MROH9: variants seen among roughly 807,000 people sequenced by gnomAD.
MROH9 encodes maestro heat-like repeat-containing protein family member 9.
MROH9 carries 92 observed loss-of-function variants against 98.2 expected under a neutral mutation model. The observed-to-expected ratio is 0.94, with a 90% confidence interval of 0.79 to 1.11. The LOEUF (loss-of-function observed/expected upper bound fraction) is 1.11. MROH9 is among the 50% of genes most tolerant of loss of function. The pLI is 0.00. For missense variants in MROH9, 1,057 were observed against 1,014.8 expected (o/e 1.04, Z -0.57); for synonymous variants, 397 against 368.9 (o/e 1.08, Z -0.87).
chr1:171,056,788 T>C (rs895113449), intron 20 of MROH9, among the ~76,000 whole-genome samples: 19 of 152,112 alleles, frequency 1.2e-4, no homozygotes, highest in Admixed American at 1.2e-3. Flanking sequence ...TCCAGCCTCC[T>C]TGAGTGACAT....
intron 21 of MROH9, among the ~76,000 whole-genome samples, 176 bp from the exon 22 acceptor site, chr1:171,063,923 T>A (rs781755640): frequency 7.9e-5 from 12 of 152,116 alleles, no homozygotes; most frequent in Non-Finnish European, 1.5e-4. Context: ...TTAGTAGGGA[T>A]AGATGATAAA....
chr1:171,064,485 G>T lies in MROH9; in HGVS notation c.*145G>T. The T allele has an allele frequency of 1.3e-6, 1 of 755,032 alleles. No individual in the cohort carries two copies. Among genetic ancestry groups the T allele is most frequent in the Non-Finnish European group, 2.0e-6 (1 of 497,698 alleles). The allele number at this position is 755,032 out of a possible 1,614,324, so 46.8% of individuals were successfully genotyped here. A position where few individuals can be genotyped will look rare whatever the true frequency, so the allele number is the denominator to read the frequency against. ...GATGCTTTTCTGAAAAATTCTGGAA[G>T]CTTTTACTGTTACTTCTTAATTCTC... On this transcript the variant is annotated 3_prime_UTR_variant, in exon 22 of 22. Coordinates refer to ENST00000367759, the MANE Select transcript of MROH9 (RefSeq NM_001163629.2).
intron 1 of MROH9, among the ~76,000 whole-genome samples, chr1:170,942,680 A>G (rs1649171389): frequency 6.6e-6 from 1 of 152,094 alleles, no homozygotes; most frequent in African/African-American, 2.4e-5. Flanking sequence ...GGACCCAGAG[A>G]TACCTCCCTG....
intron 15 of MROH9, among the ~76,000 whole-genome samples, chr1:171,011,317 A>G (rs1452456269): frequency 6.6e-6 from 1 of 152,232 alleles, no homozygotes; most frequent in Non-Finnish European, 1.5e-5. Flanking sequence ...TTCACATAGC[A>G]CCAAATTACC....
At chr1:171,029,610 A>G (rs1652839808) in intron 20 of MROH9, among the ~76,000 whole-genome samples, 2 of 152,190 alleles carry the variant, frequency 1.3e-5, no homozygotes, top group African/African-American at 4.8e-5. Flanking sequence ...TGATTTGCAT[A>G]TGTTGAATCA....
At position 171,024,620 on chromosome 1, in the gene MROH9, A is replaced by T. The variant is rs1252463764; in HGVS notation, c.2062-29A>T. The T allele has an allele frequency of 2.6e-6, 4 of 1,538,614 alleles. No homozygotes were observed. In the African/African-American group the frequency reaches 4.1e-5, roughly 16 times the overall value. ...GTTTTATCTAACAACAGATGAATAGATCTTCACCGGCCTTTTTCTGTCTCA... is the reference window on the plus strand; with the variant it reads ...GTTTTATCTAACAACAGATGAATAGTTCTTCACCGGCCTTTTTCTGTCTCA... On this transcript the variant is annotated intron_variant, in intron 18 of 21. Transcript: ENST00000367759.
chr1:170,998,531 A>AT, intron 15 of MROH9: 1 of 1,424,266 alleles, frequency 7.0e-7, no homozygotes, highest in Non-Finnish European at 9.1e-7. Context: ...AAAACTAATT[A>AT]TTTTTTAGGA....
chr1:171,018,317 A>G (rs1022167186), intron 17 of MROH9, among the ~76,000 whole-genome samples: 4 of 152,066 alleles, frequency 2.6e-5, no homozygotes, highest in Non-Finnish European at 5.9e-5. Flanking sequence ...GGACCTGACC[A>G]TTGCAAGAGA....
At chr1:170,944,412 C>T (rs1460872790) in intron 1 of MROH9, among the ~76,000 whole-genome samples, 1 of 151,590 alleles carries the variant, frequency 6.6e-6, no homozygotes, top group African/African-American at 2.4e-5. Context: ...AAAGCACATA[C>T]AAAATATAGT....
intron 3 of MROH9, among the ~76,000 whole-genome samples, chr1:170,949,769 C>T (rs1649474410): frequency 6.6e-6 from 1 of 151,968 alleles, no homozygotes. Context: ...CTTGCCAGAA[C>T]AAATCACCAA....
At chr1:171,062,081 G>T in intron 20 of MROH9, 51 bp from the exon 21 acceptor site, 2 of 1,173,060 alleles carry the variant, frequency 1.7e-6, no homozygotes, top group Non-Finnish European at 2.5e-6. Context: ...ATCAGAAAAT[G>T]TATTTTCATA....
rs1251014804 is a variant in MROH9, at chr1:170,998,208, T to A, written c.1530T>A (p.Tyr510Ter). 2 of 1,613,140 alleles carry A rather than the reference T, an allele frequency of 1.2e-6. No individual in the cohort carries two copies. The highest frequency in any genetic ancestry group is 1.7e-6 in the Non-Finnish European group (2 of 1,179,484). The change falls in exon 15 of 22, where the codon TAT becomes TAA. Residue 510 changes from tyrosine to a stop codon, truncating the protein, a stop_gained. Transcript: ENST00000367759. LOFTEE classifies it high-confidence loss of function. ...PQFPETLSYL[Y>*]KLSVEGPRRS... is the part of the protein sequence containing the mutation. ...TTCCGGAGACCCTGAGTTATCTCTA[T>A]AAGCTCTCAGTAGAAGGTCCTAGAA...
chr1:171,033,923 CA>C (rs1653012866), intron 20 of MROH9, among the ~76,000 whole-genome samples: 1 of 151,924 alleles, frequency 6.6e-6, no homozygotes, highest in South Asian at 2.1e-4. Flanking sequence ...GATAAGGAAT[CA>C]TTTTTTCAAG....
intron 8 of MROH9, among the ~76,000 whole-genome samples, chr1:170,979,133 A>G (rs1430691556): frequency 6.6e-6 from 1 of 152,244 alleles, no homozygotes; most frequent in African/African-American, 2.4e-5. Context: ...GTGTAAACAT[A>G]CATTTTATAG....
chr1:170,946,144 T>G (rs543110632), intron 2 of MROH9, among the ~76,000 whole-genome samples: 6 of 152,120 alleles, frequency 3.9e-5, no homozygotes, highest in African/African-American at 1.4e-4. Context: ...AAGATGAAGT[T>G]GAATATTTGA....
chr1:170,965,766 A>G (rs1650212671), intron 7 of MROH9, among the ~76,000 whole-genome samples: 1 of 152,056 alleles, frequency 6.6e-6, no homozygotes, highest in South Asian at 2.1e-4. Context: ...ACCACTTTCA[A>G]TGTGCACACC....
intron 15 of MROH9, among the ~76,000 whole-genome samples, chr1:171,013,229 C>G (rs1228943964): frequency 1.3e-5 from 2 of 152,186 alleles, no homozygotes; most frequent in African/African-American, 4.8e-5. Flanking sequence ...CCCCAGCTCC[C>G]TGGGCCACAT....
intron 6 of MROH9, 30 bp from the exon 7 acceptor site, chr1:170,965,121 G>T (rs374244787): frequency 7.4e-5 from 114 of 1,532,108 alleles, no homozygotes; most frequent in Non-Finnish European, 9.6e-5. Context: ...AAATTTCATG[G>T]TTCTAGGATG....
At chr1:171,060,034 G>A (rs75834173) in intron 20 of MROH9, among the ~76,000 whole-genome samples, 1,580 of 150,654 alleles carry the variant, frequency 0.01, 23 homozygotes, top group African/African-American at 0.036. Context: ...AAAAAAAAAA[G>A]ACTACCTATT....
Sources: gnomAD v4.1 joint callset for allele counts (sites outside exome capture counted in the v4.1 genomes callset) on GRCh38, gnomAD v4.1.1 for gene constraint, MANE v1.5 for transcripts, NCBI Gene and HGNC (gene_info 2026-07-23, HGNC 2026-07-21) for gene names.